MCU: variants seen among roughly 807,000 people sequenced by gnomAD.
MCU encodes calcium uniporter protein, mitochondrial.
In MCU, 12 loss-of-function variants were observed where a neutral mutation model predicts 45.2. The observed-to-expected ratio is 0.27, with a 90% CI of 0.17 to 0.43. The LOEUF is 0.43. Ranked by LOEUF, MCU falls within the 20% of genes least tolerant of loss-of-function variation. The probability of loss-of-function intolerance (pLI) is 1.00; values close to 1 mark genes in which losing one functional copy is unlikely to be tolerated. For synonymous variants in MCU, 160 were observed against 165.1 expected (o/e 0.97, Z 0.24); for missense variants, 324 against 436.7 (o/e 0.74, Z 2.30).
chr10:72,791,217 C>A (rs1844155276), intron 1 of MCU, among the ~76,000 whole-genome samples: 1 of 152,046 alleles, frequency 6.6e-6, no homozygotes, highest in Admixed American at 6.6e-5. Context: ...CATTTTAGAT[C>A]CTTTAAATTT....
chr10:72,724,825 G>T (rs1193099056), intron 1 of MCU, among the ~76,000 whole-genome samples: 1 of 152,176 alleles, frequency 6.6e-6, no homozygotes, highest in African/African-American at 2.4e-5. Flanking sequence ...TTCGTTACTA[G>T]ATTTGTTATT....
intron 4 of MCU, among the ~76,000 whole-genome samples, chr10:72,861,421 G>A (rs1186397805): frequency 1.3e-5 from 2 of 151,612 alleles, no homozygotes; most frequent in African/African-American, 4.8e-5. Context: ...AAGAATTGTT[G>A]GGTTTTTTTG....
chr10:72,837,388 G>A (rs564224480), intron 2 of MCU, among the ~76,000 whole-genome samples: 2 of 152,212 alleles, frequency 1.3e-5, no homozygotes, highest in South Asian at 4.1e-4. Context: ...GAGGCAATCT[G>A]CTTAAATGTT....
At chr10:72,727,978 A>T (rs1843122752) in intron 1 of MCU, among the ~76,000 whole-genome samples, 1 of 151,600 alleles carries the variant, frequency 6.6e-6, no homozygotes, top group Non-Finnish European at 1.5e-5. Context: ...CTTGGTGTCT[A>T]CTTAGCCAGG....
chr10:72,849,062 C>T (rs530694520), intron 2 of MCU, among the ~76,000 whole-genome samples: 4 of 151,976 alleles, frequency 2.6e-5, no homozygotes, highest in South Asian at 4.2e-4. Flanking sequence ...GGGTGGATCA[C>T]GAGGTCAGGC....
At chr10:72,760,825 T>A (rs1404539020) in intron 1 of MCU, among the ~76,000 whole-genome samples, 4 of 151,766 alleles carry the variant, frequency 2.6e-5, no homozygotes, top group Admixed American at 2.6e-4. Flanking sequence ...GTGCTGCGAT[T>A]ACAGGCATGA....
intron 1 of MCU, among the ~76,000 whole-genome samples, chr10:72,693,727 C>T: frequency 6.6e-6 from 1 of 152,190 alleles, no homozygotes; most frequent in East Asian, 1.9e-4. Context: ...GGGTGACAGC[C>T]AAGAGCTTTT....
chr10:72,767,259 C>T (rs1187635318), intron 1 of MCU, among the ~76,000 whole-genome samples: 3 of 151,964 alleles, frequency 2.0e-5, no homozygotes, highest in Non-Finnish European at 4.4e-5. Flanking sequence ...TGCTGTCTGT[C>T]ATGATCTTCT....
At position 72,870,642 on chromosome 10, in the gene MCU, G is replaced by A. The variant is rs140568019; in HGVS notation, c.658-735G>A. Among the ~76,000 whole-genome samples, 221 of 152,262 alleles carry A rather than the reference G, an allele frequency of 1.5e-3. 2 individuals are homozygous for A. Among genetic ancestry groups the A allele is most frequent in the African/African-American group, 4.9e-3 (202 of 41,560 alleles). On this transcript the variant is annotated intron_variant, in intron 5 of 7. Coordinates refer to ENST00000373053, the MANE Select transcript of MCU (RefSeq NM_138357.3). ...TCTTTAATGAAGTTAATGGTGATTT[G>A]CAGATCATCGCTCTGAATTGAGCTG...
At chr10:72,874,037 G>T (rs1199606950) in intron 6 of MCU, among the ~76,000 whole-genome samples, 1 of 152,128 alleles carries the variant, frequency 6.6e-6, no homozygotes, top group Non-Finnish European at 1.5e-5. Context: ...GTAGTATGAT[G>T]CCTCTAGCTT....
chr10:72,705,886 C>T (rs537625855), intron 1 of MCU, among the ~76,000 whole-genome samples: 7 of 151,802 alleles, frequency 4.6e-5, no homozygotes, highest in African/African-American at 1.7e-4. Flanking sequence ...GAGGCTGAGG[C>T]AGGAGTATCT....
intron 1 of MCU, among the ~76,000 whole-genome samples, chr10:72,827,995 T>C (rs1402661214): frequency 6.6e-6 from 1 of 152,156 alleles, no homozygotes; most frequent in East Asian, 1.9e-4. Context: ...ATCAGGGATA[T>C]AGAAAAAAAC....
At chr10:72,743,404 C>T (rs1843363105) in intron 1 of MCU, among the ~76,000 whole-genome samples, 1 of 110,752 alleles carries the variant, frequency 9.0e-6, no homozygotes, top group East Asian at 2.8e-4. Flanking sequence ...CAGAGTGATA[C>T]TCCATCTCAA....
At chr10:72,726,142 C>G (rs895481999) in intron 1 of MCU, among the ~76,000 whole-genome samples, 1 of 151,930 alleles carries the variant, frequency 6.6e-6, no homozygotes, top group African/African-American at 2.4e-5. Flanking sequence ...TCAAAGGATC[C>G]TCCCACCTCA....
intron 1 of MCU, among the ~76,000 whole-genome samples, chr10:72,818,801 A>G (rs1221711947): frequency 5.3e-5 from 8 of 151,022 alleles, no homozygotes; most frequent in African/African-American, 2.0e-4. Flanking sequence ...AGATTGCACC[A>G]TTGCACTGCA....
intron 1 of MCU, among the ~76,000 whole-genome samples, chr10:72,805,985 C>CCTGG (rs1844442133): frequency 6.6e-6 from 1 of 151,972 alleles, no homozygotes; most frequent in African/African-American, 2.4e-5. Flanking sequence ...GAAGGAATGA[C>CCTGG]CTGGGGGATC....
At chr10:72,824,098 A>G (rs559496568) in intron 1 of MCU, among the ~76,000 whole-genome samples, 14 of 152,194 alleles carry the variant, frequency 9.2e-5, no homozygotes, top group East Asian at 5.8e-4. Context: ...AAAATCTCCA[A>G]TTAATGGAAT....
intron 1 of MCU, among the ~76,000 whole-genome samples, chr10:72,695,311 A>G (rs1842672389): frequency 6.6e-6 from 1 of 152,204 alleles, no homozygotes; most frequent in Non-Finnish European, 1.5e-5. Flanking sequence ...TCTTTTGGCA[A>G]TGACATTGTT....
intron 1 of MCU, among the ~76,000 whole-genome samples, chr10:72,763,646 A>G (rs1224861642): frequency 6.6e-6 from 1 of 152,136 alleles, no homozygotes; most frequent in Non-Finnish European, 1.5e-5. Flanking sequence ...TTTATCCTGT[A>G]GACAGTGGCA....
Sources: allele counts gnomAD v4.1 joint callset (sites outside exome capture counted in the v4.1 genomes callset), GRCh38; gene constraint gnomAD v4.1.1; transcripts MANE v1.5; gene names NCBI Gene and HGNC (gene_info 2026-07-23, HGNC 2026-07-21).